COL13A1: variants seen among roughly 807,000 people sequenced by gnomAD.
COL13A1 encodes the protein collagen type XIII alpha 1 chain.
COL13A1 carries 89 observed loss-of-function variants against 130.9 expected under a neutral mutation model. The ratio of observed to expected loss-of-function variants is 0.68; its 90% confidence interval spans 0.57 to 0.81. COL13A1 has a LOEUF of 0.81. Among genes scored for constraint, COL13A1 ranks in the 30% least tolerant of loss-of-function variants. The probability of loss-of-function intolerance (pLI) is 0.00; values close to 1 mark genes in which losing one functional copy is unlikely to be tolerated. For missense variants in COL13A1, 879 were observed against 934.6 expected, an observed-to-expected ratio of 0.94 and a Z score of 0.78; for synonymous variants, 402 against 341.6, an observed-to-expected ratio of 1.18 and a Z score of -1.95.
chr10:69,918,254 C>T (rs775625749), intron 18 of COL13A1, 31 bp from the exon 19 acceptor site: 1 of 1,609,972 alleles, frequency 6.2e-7, no homozygotes, highest in South Asian at 1.1e-5. Context: ...TGCAGAATGT[C>T]TTCAGACCTT....
At chr10:69,904,898 CTTTT>C in intron 15 of COL13A1, 31 bp from the exon 16 acceptor site, 1 of 1,516,392 alleles carries the variant, frequency 6.6e-7, no homozygotes, top group Non-Finnish European at 8.8e-7. Context: ...CTCACCTTTT[CTTTT>C]TTCTTTTTTT....
In COL13A1 at chr10:69,809,396, CA is replaced by C. The variant is rs1300084420; in HGVS notation, c.294+6680del. Reference sequence around the variant, plus strand: ...TTGAGCTTACACTTACACTGTGTACCAGGGACTATTCAAAGACCTTTACATC... The same window carrying C: ...TTGAGCTTACACTTACACTGTGTACCGGGACTATTCAAAGACCTTTACATC... On this transcript the variant is annotated intron_variant, in intron 1 of 40. Transcript: ENST00000645393. Among the ~76,000 whole-genome samples the C allele has an allele frequency of 2.6e-5, 4 of 152,206 alleles. No homozygotes were observed. The East Asian group carries it at 7.7e-4, about 29-fold the overall frequency.
At position 69,918,289 on chromosome 10, in the gene COL13A1, C is replaced by A; in HGVS notation, c.971C>A (p.Ala324Glu). The A allele has an allele frequency of 6.2e-7, 1 of 1,612,612 alleles. No individual in the cohort carries two copies. Among genetic ancestry groups the A allele is most frequent in the Non-Finnish European group, 8.5e-7 (1 of 1,179,416 alleles). The part of the protein sequence containing the change: ...GMPGKHGAKG[A>E]PGIAVAGMKG... ...TTTTTTTTCTCTCTCTGCCAGGGGG[C>A]GCCCGGAATTGCCGTGGCTGGGATG... Residue 324 changes from alanine (A) to glutamate (E), a missense_variant, in exon 19 of 41, where the codon GCG (alanine) becomes GAG (glutamate). Around this residue, in one of 3 missense-constraint regions of COL13A1, gnomAD observed 715 missense variants for 721.0 expected, o/e 0.99. Coordinates refer to ENST00000645393, the MANE Select transcript of COL13A1 (RefSeq NM_001368882.1).
intron 2 of COL13A1, among the ~76,000 whole-genome samples, chr10:69,865,873 T>C (rs1413551888): frequency 4.6e-5 from 7 of 152,110 alleles, no homozygotes; most frequent in South Asian, 2.1e-4. Flanking sequence ...AGAGGCACTG[T>C]AGAGAAGGGT....
At chr10:69,854,705 G>A (rs764348455) in intron 2 of COL13A1, among the ~76,000 whole-genome samples, 8 of 152,096 alleles carry the variant, frequency 5.3e-5, no homozygotes, top group South Asian at 2.1e-4. Context: ...TCACAGGGAC[G>A]AGCTGTGATT....
chr10:69,926,627 C>G (rs1186137268), intron 26 of COL13A1, among the ~76,000 whole-genome samples: 1 of 152,190 alleles, frequency 6.6e-6, no homozygotes, highest in Non-Finnish European at 1.5e-5. Context: ...TCTCCCTGAT[C>G]TATTTTTTGA....
At chr10:69,878,493 T>C (rs2059829918) in intron 6 of COL13A1, among the ~76,000 whole-genome samples, 1 of 152,016 alleles carries the variant, frequency 6.6e-6, no homozygotes, top group East Asian at 1.9e-4. Flanking sequence ...ACTTCTTTTT[T>C]TTTTTTGAGA....
intron 17 of COL13A1, among the ~76,000 whole-genome samples, chr10:69,911,121 TGGGGAA>T (rs2063333047): frequency 6.6e-6 from 1 of 152,170 alleles, no homozygotes; most frequent in Non-Finnish European, 1.5e-5. Context: ...GCTAGAGGGC[TGGGGAA>T]GGGCACAGGG....
At chr10:69,830,851 C>T (rs780811384) in intron 2 of COL13A1, among the ~76,000 whole-genome samples, 3 of 152,114 alleles carry the variant, frequency 2.0e-5, no homozygotes, top group Non-Finnish European at 2.9e-5. Context: ...GACATTTTAT[C>T]GTCCCAAAAA....
intron 2 of COL13A1, among the ~76,000 whole-genome samples, chr10:69,867,289 GA>G (rs1313490759): frequency 7.9e-5 from 12 of 152,216 alleles, no homozygotes; most frequent in Admixed American, 7.8e-4. Context: ...CAGAAACCAG[GA>G]CGGGCCAATG....
At chr10:69,824,909 G>A (rs1847111668) in intron 2 of COL13A1, among the ~76,000 whole-genome samples, 1 of 152,320 alleles carries the variant, frequency 6.6e-6, no homozygotes, top group Admixed American at 6.5e-5. Flanking sequence ...ACTGAGTCAG[G>A]GAAGGACTGG....
chr10:69,932,202 CTT>C (rs1223591950), intron 30 of COL13A1, among the ~76,000 whole-genome samples: 2 of 152,122 alleles, frequency 1.3e-5, no homozygotes, highest in Admixed American at 6.6e-5. Context: ...GTAACATAAT[CTT>C]AATATATGTT....
In COL13A1 at chr10:69,865,965, C is replaced by T. The variant is rs148306288; in HGVS notation, c.365-1833C>T. 5.4e-3 allele frequency among the ~76,000 whole-genome samples: 821 copies of T among 152,330 alleles called. 9 individuals are homozygous for T. The highest frequency in any genetic ancestry group is 0.018 in the African/African-American group (765 of 41,562). ...TGCCTCAGTTTCTTCATCCGCAAGG[C>T]GGGAATGATAGAACCTATTGCATAA... On this transcript the variant is annotated intron_variant, in intron 2 of 40. Coordinates refer to ENST00000645393, the MANE Select transcript of COL13A1 (RefSeq NM_001368882.1).
At position 69,959,102 on chromosome 10, in the gene COL13A1, A is replaced by G. The variant is rs895874598; in HGVS notation, c.*401A>G. 6 of 169,102 alleles carry G rather than the reference A, an allele frequency of 3.5e-5. No individual in the cohort carries two copies. The highest frequency in any genetic ancestry group is 7.6e-5 in the Non-Finnish European group (6 of 78,998). The allele number at this position is 169,102 out of a possible 1,614,324, so 10.5% of individuals were successfully genotyped here. A position where few individuals can be genotyped will look rare whatever the true frequency, so the allele number is the denominator to read the frequency against. On this transcript the variant is annotated 3_prime_UTR_variant, in exon 41 of 41. Coordinates refer to ENST00000645393, the MANE Select transcript of COL13A1 (RefSeq NM_001368882.1). ...CTAGGTGTGTCTAAGAGTATTTTAAACCCTTATGGATTTTCATTATTAAAG... is the reference window on the plus strand; with the variant it reads ...CTAGGTGTGTCTAAGAGTATTTTAAGCCCTTATGGATTTTCATTATTAAAG...
At chr10:69,907,278 A>G (rs2062859013) in intron 17 of COL13A1, among the ~76,000 whole-genome samples, 1 of 152,248 alleles carries the variant, frequency 6.6e-6, no homozygotes, top group South Asian at 2.1e-4. Context: ...CTATTCTCCT[A>G]TTTAAAAAAT....
chr10:69,853,929 T>C (rs963134698), intron 2 of COL13A1, among the ~76,000 whole-genome samples: 5 of 152,234 alleles, frequency 3.3e-5, no homozygotes, highest in African/African-American at 1.2e-4. Flanking sequence ...ATGATGGCTT[T>C]TCTTTCACAA....
At chr10:69,912,706 T>C (rs930201447) in intron 17 of COL13A1, among the ~76,000 whole-genome samples, 2 of 152,148 alleles carry the variant, frequency 1.3e-5, no homozygotes, top group African/African-American at 4.8e-5. Flanking sequence ...CTTAGAGAAC[T>C]TCATTTACTT....
intron 25 of COL13A1, among the ~76,000 whole-genome samples, chr10:69,925,495 G>A (rs2065224726): frequency 6.6e-6 from 1 of 152,222 alleles, no homozygotes; most frequent in South Asian, 2.1e-4. Context: ...CTTGACCTTG[G>A]GGTCTTGACG....
At chr10:69,863,710 A>C (rs1858919624) in intron 2 of COL13A1, among the ~76,000 whole-genome samples, 1 of 151,826 alleles carries the variant, frequency 6.6e-6, no homozygotes, top group South Asian at 2.1e-4. Context: ...ACCTCCAGCC[A>C]GGAGAACACA....
Sources: gnomAD v4.1 joint callset for allele counts (sites outside exome capture counted in the v4.1 genomes callset) on GRCh38, gnomAD v4.1.1 for gene constraint, gnomAD v4.1.1 regional missense constraint, MANE v1.5 for transcripts, NCBI Gene and HGNC (gene_info 2026-07-23, HGNC 2026-07-21) for gene names.